The following TMCC1 variants were observed in gnomAD, a reference collection of about 807,000 sequenced individuals.
The protein encoded by TMCC1 is transmembrane and coiled-coil domain family 1.
Under a neutral mutation model 52.4 loss-of-function variants are expected in TMCC1, and 15 were observed. The observed-to-expected ratio is 0.29, with a 90% confidence interval of 0.19 to 0.44. The LOEUF (loss-of-function observed/expected upper bound fraction) is 0.44, where lower values mean the gene tolerates loss of function less well. Ranked by LOEUF, TMCC1 falls within the 20% of genes least tolerant of loss-of-function variation. The pLI is 1.00. For missense variants in TMCC1, 503 were observed against 806.0 expected, an observed-to-expected ratio of 0.62 and a Z score of 4.55; for synonymous variants, 279 against 301.9, an observed-to-expected ratio of 0.92 and a Z score of 0.79.
At chr3:129,868,052 A>C (rs1178527677) in intron 2 of TMCC1, among the ~76,000 whole-genome samples, 2 of 152,218 alleles carry the variant, frequency 1.3e-5, no homozygotes, top group Admixed American at 6.5e-5. Flanking sequence ...TATTAATTTA[A>C]GGCTCACATT....
chr3:129,845,190 TCACACACACACACACA>T (rs67832332), intron 2 of TMCC1, among the ~76,000 whole-genome samples: 6 of 148,980 alleles, frequency 4.0e-5, no homozygotes, highest in African/African-American at 7.4e-5. Context: ...CCTGTCACAC[TCACACACACACACACA>T]CACACACACA....
At chr3:129,786,979 T>C (rs1185307427) in intron 4 of TMCC1, among the ~76,000 whole-genome samples, 2 of 152,190 alleles carry the variant, frequency 1.3e-5, no homozygotes, top group African/African-American at 2.4e-5. Flanking sequence ...TTCATTAAAG[T>C]CTTGAATTTA....
chr3:129,841,914 G>C (rs1180641281), intron 2 of TMCC1, among the ~76,000 whole-genome samples: 1 of 152,118 alleles, frequency 6.6e-6, no homozygotes, highest in Non-Finnish European at 1.5e-5. Context: ...GCGGCACTGT[G>C]AGTCAATTAA....
At chr3:129,718,357 G>C (rs1396179455) in intron 4 of TMCC1, among the ~76,000 whole-genome samples, 1 of 152,184 alleles carries the variant, frequency 6.6e-6, no homozygotes, top group African/African-American at 2.4e-5. Context: ...GTGAAGTATT[G>C]CAAGTATCCA....
At chr3:129,756,648 C>A (rs544817678) in intron 4 of TMCC1, among the ~76,000 whole-genome samples, 4 of 150,818 alleles carry the variant, frequency 2.7e-5, no homozygotes, top group Non-Finnish European at 5.9e-5. Flanking sequence ...CCACCCACCT[C>A]GGCCTCCCAA....
At chr3:129,721,051 T>G (rs771113945) in intron 4 of TMCC1, among the ~76,000 whole-genome samples, 8 of 152,062 alleles carry the variant, frequency 5.3e-5, no homozygotes, top group Non-Finnish European at 7.4e-5. Context: ...TACACTGTAT[T>G]AAATCTCTCA....
rs2086189823 is a variant in TMCC1 at position 129,649,292 on chromosome 3, C to T, written c.*2189G>A. The stretch of plus-strand genomic sequence containing the variant: ...AGAAAGTTAGGAGAAACTGTCAGTT[C>T]AAAAAGTTCATAGTGTCCTTTGGCA... On this transcript the variant is annotated 3_prime_UTR_variant, in exon 7 of 7. Coordinates refer to ENST00000393238, the MANE Select transcript of TMCC1 (RefSeq NM_001017395.5). The T allele has an allele frequency of 6.6e-6, 1 of 152,184 alleles. No individual in the cohort carries two copies. Among genetic ancestry groups the T allele is most frequent in the African/African-American group, 2.4e-5 (1 of 41,428 alleles). The allele number at this position is 152,184 out of a possible 1,614,324, so 9.4% of individuals were successfully genotyped here. A position where few individuals can be genotyped will look rare whatever the true frequency, so the allele number is the denominator to read the frequency against.
intron 5 of TMCC1, among the ~76,000 whole-genome samples, chr3:129,661,250 AC>A (rs1466850944): frequency 1.3e-5 from 2 of 152,118 alleles, no homozygotes; most frequent in Non-Finnish European, 2.9e-5. Context: ...AAATAGCAAA[AC>A]CCTGTCTTTA....
chr3:129,840,067 C>T (rs1194757393), intron 2 of TMCC1, among the ~76,000 whole-genome samples: 4 of 150,218 alleles, frequency 2.7e-5, no homozygotes, highest in South Asian at 4.2e-4. Flanking sequence ...ATGGCTCACA[C>T]CTGTAATCCC....
chr3:129,842,169 C>T (rs1372861010), intron 2 of TMCC1, among the ~76,000 whole-genome samples: 1 of 152,052 alleles, frequency 6.6e-6, no homozygotes, highest in African/African-American at 2.4e-5. Flanking sequence ...AATTGATAAA[C>T]CAAGTAAGCA....
chr3:129,751,721 C>T (rs764699262), intron 4 of TMCC1, among the ~76,000 whole-genome samples: 2 of 152,072 alleles, frequency 1.3e-5, no homozygotes, highest in Admixed American at 1.3e-4. Flanking sequence ...CCACTACGCC[C>T]AGCTAATTTT....
At chr3:129,654,453 C>G (rs546035203) in intron 6 of TMCC1, among the ~76,000 whole-genome samples, 1 of 152,244 alleles carries the variant, frequency 6.6e-6, no homozygotes, top group Admixed American at 6.5e-5. Context: ...GAACTATTCC[C>G]TAAATACCTC....
chr3:129,780,995 G>A (rs1482287381), intron 4 of TMCC1, among the ~76,000 whole-genome samples: 2 of 152,156 alleles, frequency 1.3e-5, no homozygotes, highest in Admixed American at 6.6e-5. Flanking sequence ...TGAGGCTAGT[G>A]ACTATAACAC....
chr3:129,890,008 G>T (rs1255649515), intron 1 of TMCC1, among the ~76,000 whole-genome samples: 1 of 151,994 alleles, frequency 6.6e-6, no homozygotes, highest in Non-Finnish European at 1.5e-5. Flanking sequence ...AAAATGGCTG[G>T]GGCATGGTGG....
chr3:129,786,105 A>G (rs2056012383), intron 4 of TMCC1, among the ~76,000 whole-genome samples: 1 of 151,896 alleles, frequency 6.6e-6, no homozygotes, highest in Non-Finnish European at 1.5e-5. Context: ...ATGCCTGGCT[A>G]ATTTTTGTAT....
chr3:129,786,733 A>T (rs113973839), intron 4 of TMCC1, among the ~76,000 whole-genome samples: 60 of 152,360 alleles, frequency 3.9e-4, no homozygotes, highest in African/African-American at 1.4e-3. Flanking sequence ...GCTTTGTCTA[A>T]GAAAAGGTAC....
chr3:129,735,275 A>G (rs2050862465), intron 4 of TMCC1, among the ~76,000 whole-genome samples: 1 of 152,228 alleles, frequency 6.6e-6, no homozygotes, highest in South Asian at 2.1e-4. Context: ...TACATTGTTA[A>G]CATTCAAATG....
At chr3:129,864,409 C>A (rs1191180990) in intron 2 of TMCC1, among the ~76,000 whole-genome samples, 3 of 152,112 alleles carry the variant, frequency 2.0e-5, no homozygotes, top group Non-Finnish European at 2.9e-5. Flanking sequence ...AAAGTGATAA[C>A]TGCACTCAGG....
intron 4 of TMCC1, among the ~76,000 whole-genome samples, chr3:129,814,859 T>A (rs1225907013): frequency 6.6e-6 from 1 of 152,158 alleles, no homozygotes; most frequent in African/African-American, 2.4e-5. Context: ...ATGTAACAAT[T>A]ATAAGTATCT....
Sources: allele counts gnomAD v4.1 joint callset (sites outside exome capture counted in the v4.1 genomes callset), GRCh38; gene constraint gnomAD v4.1.1; transcripts MANE v1.5; gene names NCBI Gene and HGNC (gene_info 2026-07-23, HGNC 2026-07-21).